The following RPS6KB1 variants were observed in gnomAD, a reference collection of about 807,000 sequenced individuals.
RPS6KB1 encodes ribosomal protein S6 kinase B1, also known as ribosomal protein S6 kinase beta-1.
In RPS6KB1, 12 loss-of-function variants were observed where a neutral mutation model predicts 70.2. The ratio of observed to expected loss-of-function variants is 0.17; its 90% CI spans 0.11 to 0.28. The LOEUF is 0.28. RPS6KB1 is among the 10% of genes least tolerant of loss of function. The pLI, the probability that RPS6KB1 is intolerant of heterozygous loss-of-function variation, is 1.00. For missense variants in RPS6KB1, 270 were observed against 646.6 expected (o/e 0.42, Z 6.32); for synonymous variants, 175 against 211.2 (o/e 0.83, Z 1.49).
intron 1 of RPS6KB1, among the ~76,000 whole-genome samples, chr17:59,896,507 A>G (rs2041576153): frequency 6.6e-6 from 1 of 152,142 alleles, no homozygotes; most frequent in Non-Finnish European, 1.5e-5. Context: ...TTTTGAAAGT[A>G]CAGTACTCTG....
Position 59,941,791 on chromosome 17 carries a change from G to A in RPS6KB1, c.1227+848G>A, listed in dbSNP as rs28802914. 6.1e-3 allele frequency among the ~76,000 whole-genome samples: 925 copies of A among 150,826 alleles called. 8 individuals are homozygous for A. The highest frequency in any genetic ancestry group is 0.021 in the African/African-American group (872 of 41,006). ...TGGGACTATAGGCGTGCGCCACCACGCCCAGTTAATTTTTGTATTTTTAGT... is the reference window on the plus strand; with the variant it reads ...TGGGACTATAGGCGTGCGCCACCACACCCAGTTAATTTTTGTATTTTTAGT... On this transcript the variant is annotated intron_variant, in intron 13 of 14. Transcript: ENST00000225577.
intron 1 of RPS6KB1, among the ~76,000 whole-genome samples, chr17:59,903,335 C>G (rs1031733427): frequency 6.7e-6 from 1 of 149,574 alleles, no homozygotes; most frequent in Non-Finnish European, 1.5e-5. Flanking sequence ...AAGAGCCGAG[C>G]ATGGTGCTAT....
chr17:59,946,405 A>G lies in RPS6KB1; in HGVS notation c.1341-146A>G. 1 of 682,586 alleles carries G rather than the reference A, an allele frequency of 1.5e-6. No homozygotes were observed. The highest frequency in any genetic ancestry group is 2.5e-6 in the Non-Finnish European group (1 of 394,248). The allele number at this position is 682,586 out of a possible 1,614,324, so 42.3% of individuals were successfully genotyped here. ...ATCTAGGTGGGGGAGAGATGGTTCAATTTTTGCCTTTGTGCTAATCCACGT... is the reference window on the plus strand; with the variant it reads ...ATCTAGGTGGGGGAGAGATGGTTCAGTTTTTGCCTTTGTGCTAATCCACGT... On this transcript the variant is annotated intron_variant, in intron 14 of 14. Transcript: ENST00000225577. The surrounding 1 kb of genome is among the most constrained non-coding windows in gnomAD (Gnocchi z 4.2).
In RPS6KB1 at chr17:59,947,006, C is replaced by T. The variant is rs1440621105; in HGVS notation, c.*218C>T. 1 of 1,379,026 alleles carries T rather than the reference C, an allele frequency of 7.3e-7. No homozygotes were observed. Among genetic ancestry groups the T allele is most frequent in the Non-Finnish European group, 9.4e-7 (1 of 1,065,640 alleles). 85.4% of individuals were successfully genotyped at this position (1,379,026 alleles called of 1,614,324 possible). On this transcript the variant is annotated 3_prime_UTR_variant, in exon 15 of 15. Coordinates refer to ENST00000225577, the MANE Select transcript of RPS6KB1 (RefSeq NM_003161.4). Reference sequence around the variant, plus strand: ...AATAGTATTGCTGAACTCTTAGGCACATCAATTAATTGATTCCTCGCGACA... The same window carrying T: ...AATAGTATTGCTGAACTCTTAGGCATATCAATTAATTGATTCCTCGCGACA...
intron 2 of RPS6KB1, 177 bp from the exon 3 acceptor site, chr17:59,912,507 G>A (rs1034632014): frequency 5.6e-6 from 3 of 538,816 alleles, no homozygotes; most frequent in Non-Finnish European, 3.3e-6. Flanking sequence ...ACGATTATCA[G>A]GCCACCCTCC....
intron 4 of RPS6KB1, among the ~76,000 whole-genome samples, chr17:59,923,209 A>T (rs559024160): frequency 6.7e-6 from 1 of 149,408 alleles, no homozygotes; most frequent in African/African-American, 2.5e-5. Flanking sequence ...CCCAGGCTTG[A>T]GTGCAGTGGC....
intron 2 of RPS6KB1, among the ~76,000 whole-genome samples, chr17:59,911,688 G>A (rs896355983): frequency 2.6e-5 from 4 of 151,964 alleles, no homozygotes; most frequent in African/African-American, 9.7e-5. Flanking sequence ...GGGATTATAG[G>A]TTCCTGCCAC....
chr17:59,909,029 T>C (rs8073823), intron 1 of RPS6KB1, among the ~76,000 whole-genome samples: 82,402 of 146,272 alleles, frequency 0.56, 25,021 homozygotes, highest in African/African-American at 0.82. Flanking sequence ...CAGGTTCAAG[T>C]GATTCTCCTG....
chr17:59,947,777 A>G lies in RPS6KB1; in HGVS notation c.*989A>G, dbSNP rs1341502396. 2.4e-5 allele frequency: 13 copies of G among 549,134 alleles called. No homozygotes were observed. The East Asian group carries it at 3.7e-4, about 16-fold the overall frequency. The allele number at this position is 549,134 out of a possible 1,614,324, so 34.0% of individuals were successfully genotyped here. A position where few individuals can be genotyped will look rare whatever the true frequency, so the allele number is the denominator to read the frequency against. On this transcript the variant is annotated 3_prime_UTR_variant, in exon 15 of 15. Coordinates refer to ENST00000225577, the MANE Select transcript of RPS6KB1 (RefSeq NM_003161.4). Reference sequence around the variant, plus strand: ...AAGAACAACAGAAGAGAGTCAGGATAAAAAATACATACTGTGGTCGGCAAG... The same window carrying G: ...AAGAACAACAGAAGAGAGTCAGGATGAAAAATACATACTGTGGTCGGCAAG...
In RPS6KB1 at chr17:59,947,382, A is replaced by T; in HGVS notation, c.*594A>T. ...ATCCCAAACTTTAAAATGCGAAATT[A>T]TTGGTTGGTGTGAAGAAAGCCAGAC... On this transcript the variant is annotated 3_prime_UTR_variant, in exon 15 of 15. Coordinates refer to ENST00000225577, the MANE Select transcript of RPS6KB1 (RefSeq NM_003161.4). The T allele has an allele frequency of 2.4e-6, 3 of 1,229,836 alleles. No homozygotes were observed. The highest frequency in any genetic ancestry group is 3.1e-6 in the Non-Finnish European group (3 of 977,204). The allele number at this position is 1,229,836 out of a possible 1,614,324, so 76.2% of individuals were successfully genotyped here. A position where few individuals can be genotyped will look rare whatever the true frequency, so the allele number is the denominator to read the frequency against.
intron 4 of RPS6KB1, among the ~76,000 whole-genome samples, chr17:59,924,891 T>C (rs891344431): frequency 5.3e-5 from 8 of 151,900 alleles, no homozygotes; most frequent in African/African-American, 4.8e-5. Context: ...TGCAGTGGCG[T>C]GATCTCGGCT....
intron 4 of RPS6KB1, among the ~76,000 whole-genome samples, chr17:59,920,503 T>C (rs1259114788): frequency 6.6e-6 from 1 of 152,214 alleles, no homozygotes; most frequent in Non-Finnish European, 1.5e-5. Context: ...TTATTGGTAA[T>C]TGTCTTTAAA....
At chr17:59,904,227 C>T (rs1400482026) in intron 1 of RPS6KB1, among the ~76,000 whole-genome samples, 4 of 151,140 alleles carry the variant, frequency 2.6e-5, no homozygotes, top group East Asian at 2.0e-4. Context: ...ATTACAGGTG[C>T]GCACCAACAC....
chr17:59,899,364 G>T (rs886714620), intron 1 of RPS6KB1, among the ~76,000 whole-genome samples: 3 of 152,156 alleles, frequency 2.0e-5, no homozygotes, highest in African/African-American at 4.8e-5. Context: ...GACAGTAACG[G>T]TAGAAGTTAT....
At chr17:59,927,060 A>G (rs1478656144) in intron 5 of RPS6KB1, among the ~76,000 whole-genome samples, 2 of 152,040 alleles carry the variant, frequency 1.3e-5, no homozygotes, top group South Asian at 2.1e-4. Context: ...TTGATTCCAT[A>G]TCATTTCTAG....
intron 4 of RPS6KB1, among the ~76,000 whole-genome samples, chr17:59,920,621 C>A (rs1466252409): frequency 6.6e-6 from 1 of 152,184 alleles, no homozygotes; most frequent in Non-Finnish European, 1.5e-5. Flanking sequence ...ATTTTTTAAT[C>A]TGTAAAACAT....
chr17:59,938,739 G>T (rs1439796252), intron 12 of RPS6KB1, among the ~76,000 whole-genome samples: 2 of 146,392 alleles, frequency 1.4e-5, no homozygotes, highest in Non-Finnish European at 3.0e-5. Flanking sequence ...GTGTGTGTGT[G>T]TGTGTTTAAG....
At chr17:59,894,241 T>A (rs553849318) in intron 1 of RPS6KB1, among the ~76,000 whole-genome samples, 1 of 152,264 alleles carries the variant, frequency 6.6e-6, no homozygotes, top group Non-Finnish European at 1.5e-5. Flanking sequence ...GCTGGCTTAG[T>A]GGTTTGTTAA....
chr17:59,915,589 C>T (rs2042896696), intron 4 of RPS6KB1, among the ~76,000 whole-genome samples: 1 of 151,498 alleles, frequency 6.6e-6, no homozygotes, highest in South Asian at 2.1e-4. Context: ...CCCTAGCCTC[C>T]CTAATAGCTG....
Sources: allele counts gnomAD v4.1 joint callset (sites outside exome capture counted in the v4.1 genomes callset), GRCh38; gene constraint gnomAD v4.1.1; non-coding constraint Gnocchi (gnomAD v3.1); transcripts MANE v1.5; gene names NCBI Gene and HGNC (gene_info 2026-07-23, HGNC 2026-07-21).